RIPOR2: variants seen among roughly 807,000 people sequenced by gnomAD.
RIPOR2 encodes the protein RHO family interacting cell polarization regulator 2.
In RIPOR2, 39 loss-of-function variants were observed where a neutral mutation model predicts 114.5. The observed-to-expected ratio is 0.34, with a 90% CI of 0.26 to 0.44. The LOEUF (loss-of-function observed/expected upper bound fraction) is 0.44, where lower values mean the gene tolerates loss of function less well. RIPOR2 is among the 20% of genes least tolerant of loss of function. The probability of loss-of-function intolerance (pLI) is 1.00; values close to 1 mark genes in which losing one functional copy is unlikely to be tolerated. For synonymous variants in RIPOR2, 445 were observed against 484.4 expected (o/e 0.92, Z 1.07); for missense variants, 1,007 against 1,255.1 (o/e 0.80, Z 2.99).
In RIPOR2 at chr6:24,927,288, C is replaced by CACT. The variant is rs752423785; in HGVS notation, c.61+8549_61+8550insAGT. ...CCACAGCTACAATCACCACCACCAC[C>CACT]ACCACCACCACCACCACAACTACAA... is the stretch of plus-strand genomic sequence containing the variant. On this transcript the variant is annotated intron_variant, in intron 1 of 21. Coordinates refer to ENST00000643898, the MANE Select transcript of RIPOR2 (RefSeq NM_001286445.3). Among the ~76,000 whole-genome samples, 13 of 45,798 alleles carry CACT rather than the reference C, an allele frequency of 2.8e-4. 1 individual carries two copies. The highest frequency in any genetic ancestry group is 7.8e-4 in the African/African-American group (10 of 12,794). The allele number at this position is 45,798 out of a possible 152,430, so 30.0% of individuals were successfully genotyped here.
intron 1 of RIPOR2, among the ~76,000 whole-genome samples, chr6:24,930,998 C>G (rs1434389271): frequency 6.6e-6 from 1 of 152,210 alleles, no homozygotes; most frequent in Non-Finnish European, 1.5e-5. Flanking sequence ...GGCTCATATA[C>G]TTTTACATTT....
Position 25,015,896 on chromosome 6 carries a change from G to GTTTTTTTTTTTTTTTTTTTT in RIPOR2, c.76+25935_76+25954dup, listed in dbSNP as rs869301317. 19 of 45,866 alleles carry GTTTTTTTTTTTTTTTTTTTT rather than the reference G, an allele frequency of 4.1e-4. 6 individuals carry two copies. The highest frequency in any genetic ancestry group is 7.8e-4 in the African/African-American group (11 of 14,098). 2.8% of individuals were successfully genotyped at this position (45,866 alleles called of 1,614,324 possible). A position where few individuals can be genotyped will look rare whatever the true frequency, so the allele number is the denominator to read the frequency against. ...TCCCCTTAAAAACGCAGGTTTTTTG[G>GTTTTTTTTTTTTTTTTTTTT]TTTTTTTTTTTTTTTTTTTTTTTTT... On this transcript the variant is annotated intron_variant, in intron 1 of 13. Transcript: ENST00000510784.
chr6:24,992,064 C>A (rs1774844524), intron 1 of RIPOR2, among the ~76,000 whole-genome samples: 1 of 152,204 alleles, frequency 6.6e-6, no homozygotes, highest in African/African-American at 2.4e-5. Flanking sequence ...TGACACTCCA[C>A]CTGGTGGTCA....
rs542097588 is a variant in RIPOR2 at position 24,902,943 on chromosome 6, T to TA, written c.62-27127dup. ...TGACCTTTTTCTGTGTCTGACCGTA[T>TA]AAACCAATCTAGTTATTTATTGCTG... On this transcript the variant is annotated intron_variant, in intron 1 of 21. Transcript: ENST00000643898. Among the ~76,000 whole-genome samples the TA allele has an allele frequency of 2.2e-3, 338 of 152,326 alleles. 1 individual carries two copies. The highest frequency in any genetic ancestry group is 6.1e-3 in the African/African-American group (252 of 41,564).
intron 4 of RIPOR2, among the ~76,000 whole-genome samples, chr6:24,871,451 A>G (rs2113877244): frequency 6.6e-6 from 1 of 152,342 alleles, no homozygotes; most frequent in Non-Finnish European, 1.5e-5. Context: ...TCCCTGGTTC[A>G]AGCGATTCTC....
At position 24,804,543 on chromosome 6, in the gene RIPOR2, T is replaced by C. The variant is rs1399445969; in HGVS notation, c.*1830A>G. The C allele has an allele frequency of 6.6e-6, 1 of 152,170 alleles. No individual in the cohort carries two copies. Among genetic ancestry groups the C allele is most frequent in the African/African-American group, 2.4e-5 (1 of 41,450 alleles). The allele number at this position is 152,170 out of a possible 1,614,324, so 9.4% of individuals were successfully genotyped here. On this transcript the variant is annotated 3_prime_UTR_variant, in exon 22 of 22. Coordinates refer to ENST00000643898, the MANE Select transcript of RIPOR2 (RefSeq NM_001286445.3). ...ACCATTTAACATAAGCTATAGGCTATACCTCCTAACTACAGACTGTACAAT... is the reference window on the plus strand; with the variant it reads ...ACCATTTAACATAAGCTATAGGCTACACCTCCTAACTACAGACTGTACAAT...
intron 1 of RIPOR2, among the ~76,000 whole-genome samples, chr6:24,887,938 A>T (rs1766981081): frequency 6.6e-6 from 1 of 152,288 alleles, no homozygotes; most frequent in Non-Finnish European, 1.5e-5. Context: ...GATTTTGACT[A>T]ATGTTGTCAT....
chr6:24,940,069 T>A (rs2114174151), upstream of RIPOR2, among the ~76,000 whole-genome samples: 1 of 152,336 alleles, frequency 6.6e-6, no homozygotes. Flanking sequence ...TGGTGTGAAA[T>A]ATTTAAGTAA....
At chr6:24,937,368 A>G (rs1366317526), upstream of RIPOR2, among the ~76,000 whole-genome samples, 2 of 152,182 alleles carry the variant, frequency 1.3e-5, no homozygotes, top group Non-Finnish European at 2.9e-5. Flanking sequence ...GTAGCTCAAC[A>G]GGAAGAACTG....
At chr6:24,879,966 A>T (rs1233672148) in intron 1 of RIPOR2, among the ~76,000 whole-genome samples, 1 of 152,254 alleles carries the variant, frequency 6.6e-6, no homozygotes, top group Non-Finnish European at 1.5e-5. Flanking sequence ...TTTTAATAGC[A>T]GGTGCTCCAT....
chr6:24,810,916 T>C (rs1276908342), intron 20 of RIPOR2, among the ~76,000 whole-genome samples: 2 of 152,108 alleles, frequency 1.3e-5, no homozygotes, highest in Non-Finnish European at 2.9e-5. Flanking sequence ...GCGATTCTCC[T>C]GCCTCAGCCT....
At chr6:24,946,507 A>T (rs1156600573) in intron 1 of RIPOR2, among the ~76,000 whole-genome samples, 1 of 152,060 alleles carries the variant, frequency 6.6e-6, no homozygotes, top group Non-Finnish European at 1.5e-5. Flanking sequence ...TGGGAGGTGG[A>T]GTTTGCAGTG....
rs566845006 is a variant in RIPOR2 at position 25,024,010 on chromosome 6, A to G, written c.76+17841T>C. On this transcript the variant is annotated intron_variant, in intron 1 of 13. Transcript: ENST00000510784. ...AATCCCGTGCTGCTTTGCGTATTCC[A>G]TCAGGTCATTACGGCCCTTGAACCG... 4 of 750,340 alleles carry G rather than the reference A, an allele frequency of 5.3e-6. No homozygotes were observed. The African/African-American group carries it at 6.8e-5, about 13-fold the overall frequency. 46.5% of individuals were successfully genotyped at this position (750,340 alleles called of 1,614,324 possible).
At chr6:24,938,546 C>T (rs891018005), upstream of RIPOR2, among the ~76,000 whole-genome samples, 2 of 152,180 alleles carry the variant, frequency 1.3e-5, no homozygotes, top group South Asian at 2.1e-4. Context: ...TGACACAGTA[C>T]ATGGTACACA....
At position 24,870,804 on chromosome 6, in the gene RIPOR2, G is replaced by A. The variant is rs2817749; in HGVS notation, c.447+62C>T. On this transcript the variant is annotated intron_variant, in intron 5 of 21. Coordinates refer to ENST00000643898, the MANE Select transcript of RIPOR2 (RefSeq NM_001286445.3). ...GCTGGGATGACAGGCGTGAGCCACC[G>A]TGCCCAGCAAGGATGCAGAATTTTT... The A allele has an allele frequency of 0.17, 226,559 of 1,296,108 alleles. 20,458 individuals carry two copies. Among genetic ancestry groups the A allele is most frequent in the South Asian group, 0.24 (19,296 of 79,076 alleles). 80.3% of individuals were successfully genotyped at this position (1,296,108 alleles called of 1,614,324 possible). A position where few individuals can be genotyped will look rare whatever the true frequency, so the allele number is the denominator to read the frequency against.
At chr6:24,836,364 T>C (rs1481604869) in intron 14 of RIPOR2, among the ~76,000 whole-genome samples, 1 of 152,308 alleles carries the variant, frequency 6.6e-6, no homozygotes, top group African/African-American at 2.4e-5. Flanking sequence ...AGACATGATG[T>C]TCTACTCTGG....
At chr6:24,978,617 G>C (rs1459352801) in intron 1 of RIPOR2, among the ~76,000 whole-genome samples, 3 of 151,768 alleles carry the variant, frequency 2.0e-5, no homozygotes, top group African/African-American at 7.3e-5. Flanking sequence ...TCCTTTTTTT[G>C]GTCACTAATG....
intron 18 of RIPOR2, among the ~76,000 whole-genome samples, chr6:24,827,056 C>T (rs192486195): frequency 3.9e-5 from 6 of 152,168 alleles, no homozygotes; most frequent in Admixed American, 1.3e-4. Context: ...GAGATGTAAA[C>T]TGCCACTGAT....
rs113619869 is a variant in RIPOR2 at position 25,036,217 on chromosome 6, A to G, written c.76+5634T>C. 7.1e-3 allele frequency among the ~76,000 whole-genome samples: 1,086 copies of G among 152,348 alleles called. 18 individuals carry two copies. The highest frequency in any genetic ancestry group is 0.024 in the African/African-American group (992 of 41,582). ...ACACTGGGAGGAAGTCGCCAGTGGT[A>G]TCTCTGAGACAGCAGATTCCCTAAT... On this transcript the variant is annotated intron_variant, in intron 1 of 13. Coordinates refer to the RIPOR2 transcript ENST00000510784.
Sources: gnomAD v4.1 joint callset for allele counts (sites outside exome capture counted in the v4.1 genomes callset) on GRCh38, gnomAD v4.1.1 for gene constraint, MANE v1.5 for transcripts, NCBI Gene and HGNC (gene_info 2026-07-23, HGNC 2026-07-21) for gene names.